GUCA1C: variants seen among roughly 807,000 people sequenced by gnomAD.
The protein encoded by GUCA1C is guanylate cyclase activator 1C, also known as guanylyl cyclase-activating protein 3.
GUCA1C carries 15 observed loss-of-function variants against 16.2 expected under a neutral mutation model. The observed-to-expected ratio is 0.93, with a 90% CI of 0.62 to 1.43. The LOEUF (loss-of-function observed/expected upper bound fraction) is 1.43. Among genes scored for constraint, GUCA1C ranks in the 40% most tolerant of loss-of-function variants. The pLI is 0.00. For missense variants in GUCA1C, 275 were observed against 244.8 expected (o/e 1.12, Z -0.82); for synonymous variants, 78 against 85.4 (o/e 0.91, Z 0.48).
In GUCA1C at chr3:108,931,842, G is replaced by C. The variant is rs1049284139; in HGVS notation, c.205-11257C>G. Among the ~76,000 whole-genome samples, 3 of 150,954 alleles carry C rather than the reference G, an allele frequency of 2.0e-5. No individual in the cohort carries two copies. In the East Asian group the frequency reaches 5.9e-4, roughly 30 times the overall value. On this transcript the variant is annotated intron_variant, in intron 1 of 3. Transcript: ENST00000261047. Reference sequence around the variant, plus strand: ...AAAGGTTTTCTTTGGGGTGATCCAAGGGAACAGTTTTTTTTCTTCCTTCTT... The same window carrying C: ...AAAGGTTTTCTTTGGGGTGATCCAACGGAACAGTTTTTTTTCTTCCTTCTT...
chr3:108,947,808 G>A (rs536100500), intron 1 of GUCA1C, among the ~76,000 whole-genome samples: 3 of 152,258 alleles, frequency 2.0e-5, no homozygotes, highest in African/African-American at 7.2e-5. Context: ...TAATAAAAAT[G>A]TTTAAGGTAT....
chr3:108,946,533 G>A (rs1477935097), intron 1 of GUCA1C, among the ~76,000 whole-genome samples: 1 of 152,142 alleles, frequency 6.6e-6, no homozygotes, highest in East Asian at 1.9e-4. Context: ...TAATCAGCCT[G>A]ACACCACCTG....
intron 1 of GUCA1C, among the ~76,000 whole-genome samples, chr3:108,924,831 T>C (rs1946607246): frequency 6.6e-6 from 1 of 152,316 alleles, no homozygotes; most frequent in Admixed American, 6.5e-5. Context: ...TGTTCATAGA[T>C]TCAATATCTT....
chr3:108,909,310 CATG>C (rs924459399), intron 3 of GUCA1C, among the ~76,000 whole-genome samples: 17 of 152,122 alleles, frequency 1.1e-4, no homozygotes, highest in African/African-American at 4.1e-4. Context: ...TAACAGCAGT[CATG>C]AGTAGGGCCC....
At chr3:108,931,897 C>A (rs1289318793) in intron 1 of GUCA1C, among the ~76,000 whole-genome samples, 1 of 121,568 alleles carries the variant, frequency 8.2e-6, no homozygotes, top group Non-Finnish European at 1.6e-5. Context: ...GAGACGGAGT[C>A]TCGCTCTGTC....
intron 1 of GUCA1C, among the ~76,000 whole-genome samples, chr3:108,930,533 T>C (rs1339873638): frequency 6.6e-6 from 1 of 152,230 alleles, no homozygotes; most frequent in African/African-American, 2.4e-5. Context: ...TCTAAACTTA[T>C]TATACTTTTA....
At chr3:108,917,436 C>CT (rs149592497) in intron 2 of GUCA1C, among the ~76,000 whole-genome samples, 3,479 of 152,004 alleles carry the variant, frequency 0.023, 118 homozygotes, top group African/African-American at 0.08. Context: ...CGTTTTCCTT[C>CT]TTTTTTTTAA....
At chr3:108,945,492 T>C (rs1240925973) in intron 1 of GUCA1C, among the ~76,000 whole-genome samples, 1 of 152,182 alleles carries the variant, frequency 6.6e-6, no homozygotes, top group African/African-American at 2.4e-5. Context: ...GGCTTTGAAG[T>C]CGGTAGAATT....
At chr3:108,917,120 T>C (rs566626209) in intron 2 of GUCA1C, among the ~76,000 whole-genome samples, 2 of 152,340 alleles carry the variant, frequency 1.3e-5, no homozygotes, top group South Asian at 4.1e-4. Flanking sequence ...ATGGATCTCA[T>C]GGTTAAATAT....
At chr3:108,919,290 TG>T (rs1479695408) in intron 2 of GUCA1C, among the ~76,000 whole-genome samples, 1 of 152,156 alleles carries the variant, frequency 6.6e-6, no homozygotes, top group African/African-American at 2.4e-5. Context: ...AGAAATGCTT[TG>T]GTGGCATCCT....
intron 1 of GUCA1C, among the ~76,000 whole-genome samples, chr3:108,946,321 A>T (rs1203049075): frequency 6.6e-6 from 1 of 151,910 alleles, no homozygotes; most frequent in African/African-American, 2.4e-5. Context: ...TTTTAGAGAC[A>T]AGGTTTTGCT....
At chr3:108,927,432 C>CTTTTTTTT (rs55930777) in intron 1 of GUCA1C, among the ~76,000 whole-genome samples, 1 of 128,256 alleles carries the variant, frequency 7.8e-6, no homozygotes, top group African/African-American at 3.0e-5. Context: ...TTTTTTAATT[C>CTTTTTTTT]TTTTTTTTTT....
intron 1 of GUCA1C, among the ~76,000 whole-genome samples, chr3:108,943,233 G>T (rs1946805946): frequency 6.6e-6 from 1 of 152,120 alleles, no homozygotes; most frequent in Non-Finnish European, 1.5e-5. Flanking sequence ...GTATCGAGGG[G>T]GAGTGGGGGC....
intron 1 of GUCA1C, among the ~76,000 whole-genome samples, chr3:108,939,913 T>C (rs775684235): frequency 6.6e-6 from 1 of 152,206 alleles, no homozygotes; most frequent in Non-Finnish European, 1.5e-5. Flanking sequence ...ATAATGTCTC[T>C]AGGTGCTTCT....
At chr3:108,939,419 C>T (rs962093480) in intron 1 of GUCA1C, among the ~76,000 whole-genome samples, 5 of 144,444 alleles carry the variant, frequency 3.5e-5, no homozygotes, top group African/African-American at 5.1e-5. Flanking sequence ...CTCCGCCTCC[C>T]GGGTTCAAGA....
chr3:108,932,722 G>C (rs1215488596), intron 1 of GUCA1C, among the ~76,000 whole-genome samples: 1 of 151,996 alleles, frequency 6.6e-6, no homozygotes, highest in Non-Finnish European at 1.5e-5. Flanking sequence ...GGGAGTTCAA[G>C]ACAAGCCTGA....
chr3:108,925,484 G>A (rs1261355932), intron 1 of GUCA1C, among the ~76,000 whole-genome samples: 1 of 152,142 alleles, frequency 6.6e-6, no homozygotes, highest in African/African-American at 2.4e-5. Flanking sequence ...CAGTCTGAGA[G>A]ACTACTTGAC....
chr3:108,916,285 C>T (rs962471146), intron 2 of GUCA1C, 71 bp from the exon 3 acceptor site: 21 of 1,455,726 alleles, frequency 1.4e-5, no homozygotes, highest in East Asian at 4.5e-5. Context: ...ATTTCTGCTC[C>T]GATGTGACAG....
At chr3:108,928,640 T>C (rs1946642705) in intron 1 of GUCA1C, among the ~76,000 whole-genome samples, 1 of 152,224 alleles carries the variant, frequency 6.6e-6, no homozygotes, top group African/African-American at 2.4e-5. Flanking sequence ...TTTGTCTAGA[T>C]GCTTTTCTTT....
Sources: allele counts gnomAD v4.1 joint callset (sites outside exome capture counted in the v4.1 genomes callset), GRCh38; gene constraint gnomAD v4.1.1; transcripts MANE v1.5; gene names NCBI Gene and HGNC (gene_info 2026-07-23, HGNC 2026-07-21).